The following AKAP6 variants were observed in gnomAD, a reference collection of about 807,000 sequenced individuals.
AKAP6 encodes the protein A-kinase anchoring protein 6.
In AKAP6, 58 loss-of-function variants were observed where a neutral mutation model predicts 188.5. The ratio of observed to expected loss-of-function variants is 0.31; its 90% CI spans 0.25 to 0.38. The LOEUF is 0.38. AKAP6 is among the 10% of genes least tolerant of loss of function. The probability of loss-of-function intolerance (pLI) is 1.00; values close to 1 mark genes in which losing one functional copy is unlikely to be tolerated. For missense variants in AKAP6, 2,710 were observed against 2,740.0 expected (o/e 0.99, Z 0.24); for synonymous variants, 989 against 998.6 (o/e 0.99, Z 0.18).
chr14:32,358,528 G>A (rs1253557013), intron 1 of AKAP6, among the ~76,000 whole-genome samples: 1 of 152,120 alleles, frequency 6.6e-6, no homozygotes, highest in African/African-American at 2.4e-5. Flanking sequence ...TGTTGGGTGG[G>A]GGGGTTAGGT....
intron 2 of AKAP6, among the ~76,000 whole-genome samples, chr14:32,528,024 A>G (rs771677687): frequency 1.3e-5 from 2 of 152,216 alleles, no homozygotes; most frequent in Non-Finnish European, 2.9e-5. Context: ...AGTCATTGCC[A>G]AACCCAAGGT....
rs557668405 is a variant in AKAP6 at position 32,605,458 on chromosome 14, C to T, written c.2730+4666C>T. On this transcript the variant is annotated intron_variant, in intron 7 of 13. Coordinates refer to ENST00000280979, the MANE Select transcript of AKAP6 (RefSeq NM_004274.5). ...CAGCCTGCCACAGACTGCACCAAGACGTAACAATGTGACAAAAAATGATCC... is the reference window on the plus strand; with the variant it reads ...CAGCCTGCCACAGACTGCACCAAGATGTAACAATGTGACAAAAAATGATCC... 1.1e-4 allele frequency among the ~76,000 whole-genome samples: 17 copies of T among 152,176 alleles called. No homozygotes were observed. In the East Asian group the frequency reaches 1.5e-3, roughly 14 times the overall value.
intron 9 of AKAP6, among the ~76,000 whole-genome samples, chr14:32,716,270 TAAG>T (rs2139769501): frequency 6.6e-6 from 1 of 152,022 alleles, no homozygotes; most frequent in East Asian, 1.9e-4. Context: ...GTATAGGTTT[TAAG>T]AAGTAGTATT....
chr14:32,692,987 T>C (rs1890244360), intron 8 of AKAP6, among the ~76,000 whole-genome samples: 1 of 152,166 alleles, frequency 6.6e-6, no homozygotes, highest in Non-Finnish European at 1.5e-5. Context: ...AATACTCTCT[T>C]GGGATCAATA....
chr14:32,650,814 G>A (rs1354586197), intron 7 of AKAP6, among the ~76,000 whole-genome samples: 3 of 152,070 alleles, frequency 2.0e-5, no homozygotes, highest in South Asian at 2.1e-4. Context: ...AATACTTTGA[G>A]AAAGTAACAA....
At chr14:32,670,603 C>A (rs915625659) in intron 7 of AKAP6, among the ~76,000 whole-genome samples, 1 of 152,126 alleles carries the variant, frequency 6.6e-6, no homozygotes. Context: ...GGGTTTCCTC[C>A]CATTATATTG....
intron 11 of AKAP6, among the ~76,000 whole-genome samples, chr14:32,765,057 C>T (rs2032667940): frequency 6.6e-6 from 1 of 151,560 alleles, no homozygotes; most frequent in African/African-American, 2.4e-5. Flanking sequence ...GCCTCAGCCT[C>T]CTGAGTAGCT....
At chr14:32,403,688 T>C (rs1889173124) in intron 1 of AKAP6, among the ~76,000 whole-genome samples, 1 of 152,246 alleles carries the variant, frequency 6.6e-6, no homozygotes, top group Admixed American at 6.5e-5. Context: ...GAGGATTAAA[T>C]GAATCAATGC....
intron 11 of AKAP6, among the ~76,000 whole-genome samples, chr14:32,754,841 G>A (rs1020288137): frequency 5.9e-5 from 9 of 152,066 alleles, no homozygotes; most frequent in Non-Finnish European, 7.4e-5. Context: ...TTCCTGCCCC[G>A]CAAAGTTTCT....
In AKAP6 at chr14:32,622,107, G is replaced by T. The variant is rs143658110; in HGVS notation, c.2730+21315G>T. On this transcript the variant is annotated intron_variant, in intron 7 of 13. Transcript: ENST00000280979. ...ATTAATTTTAATAAAAATTCCAAAA[G>T]TTGGTGAAAGAAGGAATGTACCACT... 3.8e-3 allele frequency among the ~76,000 whole-genome samples: 580 copies of T among 152,064 alleles called. 2 individuals are homozygous for T. The highest frequency in any genetic ancestry group is 0.013 in the African/African-American group (540 of 41,476).
chr14:32,495,481 GA>G (rs1880262574), intron 2 of AKAP6: 1 of 152,154 alleles, frequency 6.6e-6, no homozygotes, highest in South Asian at 2.1e-4. Flanking sequence ...AGTTGGGCAT[GA>G]GAATCTCAAG....
intron 8 of AKAP6, among the ~76,000 whole-genome samples, chr14:32,689,963 T>C (rs1008035638): frequency 6.6e-6 from 1 of 152,042 alleles, no homozygotes; most frequent in African/African-American, 2.4e-5. Flanking sequence ...GATCATTTAA[T>C]AGAACTCCCA....
At chr14:32,536,187 C>A (rs150703536) in intron 3 of AKAP6, among the ~76,000 whole-genome samples, 46 of 152,200 alleles carry the variant, frequency 3.0e-4, no homozygotes, top group Non-Finnish European at 6.2e-4. Flanking sequence ...GAAAATGGAG[C>A]CAAGTGAATA....
intron 7 of AKAP6, among the ~76,000 whole-genome samples, chr14:32,676,388 G>C (rs1889427132): frequency 6.6e-6 from 1 of 151,942 alleles, no homozygotes; most frequent in African/African-American, 2.4e-5. Context: ...CAGGTTTCAT[G>C]ATGTTTGCAA....
chr14:32,688,591 A>G (rs1890030944), intron 8 of AKAP6, among the ~76,000 whole-genome samples: 1 of 152,134 alleles, frequency 6.6e-6, no homozygotes, highest in Non-Finnish European at 1.5e-5. Context: ...AAATAAATCT[A>G]TATCAGATGA....
intron 12 of AKAP6, among the ~76,000 whole-genome samples, chr14:32,807,686 G>C (rs889007333): frequency 1.3e-5 from 2 of 151,958 alleles, no homozygotes; most frequent in East Asian, 1.9e-4. Context: ...TCCATTTCTC[G>C]AGTTTTAGAG....
intron 12 of AKAP6, among the ~76,000 whole-genome samples, chr14:32,775,361 G>A (rs2033025117): frequency 6.6e-6 from 1 of 151,814 alleles, no homozygotes; most frequent in African/African-American, 2.4e-5. Context: ...GTTTCTTTGA[G>A]GATTTATTTG....
intron 5 of AKAP6, among the ~76,000 whole-genome samples, chr14:32,583,097 G>GT (rs1264208005): frequency 6.6e-6 from 1 of 152,136 alleles, no homozygotes; most frequent in African/African-American, 2.4e-5. Context: ...TTTCTGCTCT[G>GT]TTTTTTCCCC....
chr14:32,409,111 A>G (rs571508780), intron 1 of AKAP6, among the ~76,000 whole-genome samples: 1 of 152,276 alleles, frequency 6.6e-6, no homozygotes, highest in East Asian at 1.9e-4. Flanking sequence ...GAGGCAGGAG[A>G]ATCACTTGAA....
Sources: allele counts gnomAD v4.1 joint callset (sites outside exome capture counted in the v4.1 genomes callset), GRCh38; gene constraint gnomAD v4.1.1; transcripts MANE v1.5; gene names NCBI Gene and HGNC (gene_info 2026-07-23, HGNC 2026-07-21).